PEAK1: variants seen among roughly 807,000 people sequenced by gnomAD.
PEAK1 encodes pseudopodium enriched atypical kinase 1.
A neutral mutation model predicts 124.7 loss-of-function variants in PEAK1; 54 were observed. The ratio of observed to expected loss-of-function variants is 0.43; its 90% confidence interval spans 0.35 to 0.54. The LOEUF (loss-of-function observed/expected upper bound fraction) is 0.54, where lower values mean the gene tolerates loss of function less well. Among genes scored for constraint, PEAK1 ranks in the 20% least tolerant of loss-of-function variants. The pLI, the probability that PEAK1 is intolerant of heterozygous loss-of-function variation, is 0.01. For missense variants in PEAK1, 2,046 were observed against 2,134.5 expected (o/e 0.96, Z 0.82); for synonymous variants, 719 against 760.0 (o/e 0.95, Z 0.89).
intron 2 of PEAK1, among the ~76,000 whole-genome samples, chr15:77,317,317 T>C (rs1342097008): frequency 6.6e-6 from 1 of 152,130 alleles, no homozygotes; most frequent in Non-Finnish European, 1.5e-5. Flanking sequence ...AGATAAAATA[T>C]GCCTTCATTA....
chr15:77,415,656 T>A (rs1334884695), intron 1 of PEAK1, among the ~76,000 whole-genome samples: 1 of 152,226 alleles, frequency 6.6e-6, no homozygotes, highest in Non-Finnish European at 1.5e-5. Flanking sequence ...AACTCTTCCT[T>A]CCTGCCCTGT....
intron 8 of PEAK1, among the ~76,000 whole-genome samples, chr15:77,142,326 T>C (rs2053851429): frequency 2.0e-5 from 3 of 152,178 alleles, no homozygotes; most frequent in Admixed American, 1.3e-4. Flanking sequence ...TTGGTGAGGA[T>C]GTGGAGAAAT....
At chr15:77,140,762 T>C (rs2053717809) in intron 8 of PEAK1, among the ~76,000 whole-genome samples, 1 of 151,102 alleles carries the variant, frequency 6.6e-6, no homozygotes, top group Non-Finnish European at 1.5e-5. Context: ...CCAGACAGGG[T>C]CTTCCTTTGT....
At chr15:77,281,502 A>G (rs2062673319) in intron 5 of PEAK1, among the ~76,000 whole-genome samples, 1 of 152,176 alleles carries the variant, frequency 6.6e-6, no homozygotes, top group Admixed American at 6.5e-5. Flanking sequence ...AGAATAAGCA[A>G]AGCTATTGAG....
At position 77,298,197 on chromosome 15, in the gene PEAK1, A is replaced by ATTTTTTTTTTTTTT. The variant is rs749000554; in HGVS notation, c.-602-11707_-602-11694dup. Among the ~76,000 whole-genome samples, 23 of 37,818 alleles carry ATTTTTTTTTTTTTT rather than the reference A, an allele frequency of 6.1e-4. 4 individuals are homozygous for ATTTTTTTTTTTTTT. The highest frequency in any genetic ancestry group is 3.1e-3 in the East Asian group (3 of 954). 24.8% of individuals were successfully genotyped at this position (37,818 alleles called of 152,430 possible). A position where few individuals can be genotyped will look rare whatever the true frequency, so the allele number is the denominator to read the frequency against. On this transcript the variant is annotated intron_variant, in intron 2 of 9. Transcript: ENST00000682557. The stretch of plus-strand genomic sequence containing the variant: ...TAGCTTCTTTTGTTTGGTATCCTTA[A>ATTTTTTTTTTTTTT]TTTTTTTTTTTTTTTTTTTTTTTTT...
intron 8 of PEAK1, among the ~76,000 whole-genome samples, chr15:77,134,682 A>C (rs990186788): frequency 6.6e-6 from 1 of 152,206 alleles, no homozygotes; most frequent in Non-Finnish European, 1.5e-5. Context: ...AAAAATATAC[A>C]TGAAACTTCT....
chr15:77,135,776 T>C (rs2053270615), intron 8 of PEAK1, among the ~76,000 whole-genome samples: 1 of 152,196 alleles, frequency 6.6e-6, no homozygotes, highest in African/African-American at 2.4e-5. Flanking sequence ...CCACATACGA[T>C]GTGACTTGCT....
At chr15:77,330,012 A>G (rs2065805209) in intron 2 of PEAK1, among the ~76,000 whole-genome samples, 1 of 152,066 alleles carries the variant, frequency 6.6e-6, no homozygotes, top group Admixed American at 6.5e-5. Context: ...CTAATATTAA[A>G]AAGAAAAAAA....
At chr15:77,328,228 T>C (rs2065693704) in intron 2 of PEAK1, among the ~76,000 whole-genome samples, 1 of 152,166 alleles carries the variant, frequency 6.6e-6, no homozygotes. Flanking sequence ...CCTTATATAG[T>C]TGTGAGGATT....
chr15:77,273,402 A>ACTCC (rs2062140547), intron 5 of PEAK1, among the ~76,000 whole-genome samples: 1 of 152,182 alleles, frequency 6.6e-6, no homozygotes, highest in Non-Finnish European at 1.5e-5. Context: ...GAACTAGTAA[A>ACTCC]TGAATTCAGC....
At chr15:77,345,835 A>G (rs2066842516) in intron 2 of PEAK1, 1 of 824,532 alleles carries the variant, frequency 1.2e-6, no homozygotes, top group African/African-American at 1.9e-5. Context: ...TACAGGTATT[A>G]AAGTATTACA....
chr15:77,180,614 T>C lies in PEAK1; in HGVS notation c.1313A>G (p.Lys438Arg). The C allele has an allele frequency of 6.2e-7, 1 of 1,614,172 alleles. No individual in the cohort carries two copies. Among genetic ancestry groups the C allele is most frequent in the South Asian group, 1.1e-5 (1 of 91,082 alleles). ...IAVQTEKEESKASTDVAGQAV... is the reference protein window; with the variant it reads ...IAVQTEKEESRASTDVAGQAV... ...TTGCCCAGCAACATCTGTAGAGGCTTTACTTTCTTCCTTCTCAGTTTGTAC... is the reference window on the plus strand; with the variant it reads ...TTGCCCAGCAACATCTGTAGAGGCTCTACTTTCTTCCTTCTCAGTTTGTAC... Residue 438 changes from lysine (K) to arginine (R), a missense_variant, in exon 7 of 10, where the codon AAA becomes AGA. By Grantham distance (26) the Lys-to-Arg change is conservative. Coordinates refer to ENST00000682557, the MANE Select transcript of PEAK1 (RefSeq NM_001385026.1).
intron 8 of PEAK1, among the ~76,000 whole-genome samples, chr15:77,150,838 G>C (rs905705690): frequency 1.3e-5 from 2 of 152,094 alleles, no homozygotes; most frequent in Non-Finnish European, 2.9e-5. Context: ...CAAAGGACAT[G>C]AACTCATCAT....
rs774321716 is a variant in PEAK1 at position 77,114,112 on chromosome 15, A to C, written c.*44T>G. 8.2e-6 allele frequency: 13 copies of C among 1,582,880 alleles called. No homozygotes were observed. The South Asian group carries it at 1.4e-4, about 17-fold the overall frequency. ...TAGGGAGGGGAAGTGCATGGGTGAC[A>C]TGAAGAAGGTGAAGATGTAGTAAAA... On this transcript the variant is annotated 3_prime_UTR_variant, in exon 10 of 10. Coordinates refer to ENST00000682557, the MANE Select transcript of PEAK1 (RefSeq NM_001385026.1).
intron 5 of PEAK1, among the ~76,000 whole-genome samples, chr15:77,273,647 AAC>A (rs1245095319): frequency 6.6e-6 from 1 of 152,226 alleles, no homozygotes; most frequent in South Asian, 2.1e-4. Flanking sequence ...AACAAATAGA[AAC>A]ACATCCCATT....
intron 5 of PEAK1, chr15:77,278,713 T>A (rs1015182783): frequency 1.6e-4 from 84 of 512,846 alleles, no homozygotes; most frequent in Non-Finnish European, 5.0e-5. Context: ...CACAGAAAGG[T>A]GAGGGTGCTG....
chr15:77,263,468 T>C (rs191774661), intron 5 of PEAK1, among the ~76,000 whole-genome samples: 6 of 152,242 alleles, frequency 3.9e-5, no homozygotes, highest in Admixed American at 2.0e-4. Flanking sequence ...CAGAGAATAC[T>C]ATAAACACCT....
At chr15:77,387,793 G>A (rs2141881789) in intron 1 of PEAK1, among the ~76,000 whole-genome samples, 1 of 152,250 alleles carries the variant, frequency 6.6e-6, no homozygotes, top group Admixed American at 6.5e-5. Context: ...GATGGGAAAG[G>A]AACAAGCTAT....
Position 77,180,989 on chromosome 15 carries a change from T to C in PEAK1, c.938A>G (p.Tyr313Cys), listed in dbSNP as rs1317451195. The change falls in exon 7 of 10, where the codon TAT becomes TGT. Residue 313 changes from tyrosine to cysteine, a missense_variant. Transcript: ENST00000682557. The part of the protein sequence containing the change: ...RICAVDYDDS[Y>C]DEILNGYEEN... ...CTCATAACCATTCAGGATTTCATCA[T>C]AGCTGTCATCATAGTCCACAGCACA... The C allele has an allele frequency of 1.9e-6, 3 of 1,614,056 alleles. No individual in the cohort carries two copies. Among genetic ancestry groups the C allele is most frequent in the Non-Finnish European group, 2.5e-6 (3 of 1,180,002 alleles).
Sources: gnomAD v4.1 joint callset for allele counts (sites outside exome capture counted in the v4.1 genomes callset) on GRCh38, gnomAD v4.1.1 for gene constraint, MANE v1.5 for transcripts, NCBI Gene and HGNC (gene_info 2026-07-23, HGNC 2026-07-21) for gene names.